Variants in CALN1 observed in about 807,000 individuals in gnomAD.
CALN1 encodes the protein calneuron 1.
In CALN1, 17 loss-of-function variants were observed where a neutral mutation model predicts 30.6. That is an observed-to-expected ratio of 0.56 (90% confidence interval 0.38 to 0.83). The LOEUF is 0.83. CALN1 is among the 40% of genes least tolerant of loss of function. The probability of loss-of-function intolerance (pLI) is 0.00; values close to 1 mark genes in which losing one functional copy is unlikely to be tolerated. For synonymous variants in CALN1, 156 were observed against 131.4 expected (o/e 1.19, Z -1.28); for missense variants, 291 against 354.9 (o/e 0.82, Z 1.45).
chr7:71,788,503 T>C (rs1022738069), intron 6 of CALN1, among the ~76,000 whole-genome samples: 9 of 150,992 alleles, frequency 6.0e-5, no homozygotes, highest in African/African-American at 2.2e-4. Flanking sequence ...TTTTTTTTTT[T>C]TTTTTAGAGA....
At chr7:72,463,760 T>C in the CALN1 span, among the ~76,000 whole-genome samples, 4 of 151,752 alleles carry the variant, frequency 2.6e-5, no homozygotes, top group African/African-American at 7.3e-5. Flanking sequence ...GGGGTCTTGC[T>C]CTGTTGCCCA....
the CALN1 span, among the ~76,000 whole-genome samples, chr7:72,477,072 G>A: frequency 4.6e-5 from 7 of 152,266 alleles, no homozygotes; most frequent in East Asian, 1.9e-4. Flanking sequence ...CTAGCTGGGC[G>A]TGGTGGCGCG....
chr7:72,486,607 A>G, the CALN1 span, among the ~76,000 whole-genome samples: 23 of 152,138 alleles, frequency 1.5e-4, no homozygotes, highest in African/African-American at 5.3e-4. Context: ...TCCTGACCTC[A>G]AGTAATCCGC....
At chr7:71,942,309 C>T (rs1044526029) in intron 5 of CALN1, 2 of 188,398 alleles carry the variant, frequency 1.1e-5, no homozygotes, top group African/African-American at 4.8e-5. Context: ...TCACCGAGGT[C>T]CTGGGCAGGA....
At chr7:72,155,506 G>A (rs956095498) in intron 3 of CALN1, among the ~76,000 whole-genome samples, 1 of 146,464 alleles carries the variant, frequency 6.8e-6, no homozygotes, top group Non-Finnish European at 1.5e-5. Context: ...AAAAAAAAAA[G>A]AGAGAGAGAA....
intron 4 of CALN1, among the ~76,000 whole-genome samples, chr7:72,033,626 G>A (rs1801596920): frequency 6.6e-6 from 1 of 152,082 alleles, no homozygotes; most frequent in African/African-American, 2.4e-5. Flanking sequence ...AGTGGCCTGA[G>A]CAATGGTGAG....
chr7:72,196,356 C>T (rs1791001308), intron 3 of CALN1, among the ~76,000 whole-genome samples: 1 of 152,160 alleles, frequency 6.6e-6, no homozygotes, highest in Non-Finnish European at 1.5e-5. Flanking sequence ...TGAGCTCAAG[C>T]AACCCACCCT....
chr7:71,845,306 C>T (rs1790165334), intron 5 of CALN1, among the ~76,000 whole-genome samples: 1 of 152,224 alleles, frequency 6.6e-6, no homozygotes, highest in South Asian at 2.1e-4. Flanking sequence ...TTCCATTCAT[C>T]TTTCCAATTT....
At chr7:72,212,190 A>C in intron 3 of CALN1, among the ~76,000 whole-genome samples, 1 of 152,028 alleles carries the variant, frequency 6.6e-6, no homozygotes, top group Non-Finnish European at 1.5e-5. Context: ...GCTACTAAAA[A>C]TACAAAAAAT....
chr7:72,225,358 C>T (rs766230390), intron 3 of CALN1, among the ~76,000 whole-genome samples: 26 of 152,118 alleles, frequency 1.7e-4, no homozygotes, highest in Non-Finnish European at 3.5e-4. Flanking sequence ...CTTTTTCCAA[C>T]TGACTCGATA....
At chr7:72,303,940 T>G (rs970558861) in intron 2 of CALN1, among the ~76,000 whole-genome samples, 3 of 152,202 alleles carry the variant, frequency 2.0e-5, no homozygotes, top group Non-Finnish European at 4.4e-5. Context: ...GAGTAATTAT[T>G]TACATAATCA....
intron 5 of CALN1, among the ~76,000 whole-genome samples, chr7:71,907,713 A>C (rs1794217107): frequency 6.6e-6 from 1 of 152,262 alleles, no homozygotes; most frequent in Admixed American, 6.5e-5. Context: ...TTCCAGGAAC[A>C]ATGCATAGTG....
At position 71,785,057 on chromosome 7, in the gene CALN1, C is replaced by T; in HGVS notation, c.*2718G>A. On this transcript the variant is annotated 3_prime_UTR_variant, in exon 7 of 7. Coordinates refer to ENST00000395275, the MANE Select transcript of CALN1 (RefSeq NM_031468.4). The stretch of plus-strand genomic sequence containing the variant: ...AGCTCCTGAAGTCTAAGGAATGCCG[C>T]TAGCTCAGGGCCGTCTCCACGCACT... The T allele has an allele frequency of 2.5e-6, 1 of 394,432 alleles. No homozygotes were observed. Among genetic ancestry groups the T allele is most frequent in the East Asian group, 3.6e-5 (1 of 27,838 alleles). The allele number at this position is 394,432 out of a possible 1,614,324, so 24.4% of individuals were successfully genotyped here.
At chr7:72,342,082 C>T (rs867349959) in intron 2 of CALN1, among the ~76,000 whole-genome samples, 1 of 151,618 alleles carries the variant, frequency 6.6e-6, no homozygotes, top group African/African-American at 2.4e-5. Context: ...ATAGGGAGAC[C>T]CCATCTCTAC....
the CALN1 span, among the ~76,000 whole-genome samples, chr7:72,465,210 G>A: frequency 6.6e-6 from 1 of 152,150 alleles, no homozygotes; most frequent in Non-Finnish European, 1.5e-5. Context: ...TCATGGCTCT[G>A]GGCAGACATC....
At chr7:72,354,771 A>AT (rs1377831975) in intron 2 of CALN1, among the ~76,000 whole-genome samples, 5 of 152,290 alleles carry the variant, frequency 3.3e-5, no homozygotes, top group Admixed American at 1.3e-4. Flanking sequence ...TTGATACTTT[A>AT]TTTACCCTAT....
intron 3 of CALN1, among the ~76,000 whole-genome samples, chr7:72,127,052 A>T (rs1278794368): frequency 6.6e-6 from 1 of 151,860 alleles, no homozygotes; most frequent in Non-Finnish European, 1.5e-5. Flanking sequence ...CCCAAAGGAG[A>T]GGAAGTAGTG....
chr7:71,800,455 A>G (rs1757573212), intron 6 of CALN1, among the ~76,000 whole-genome samples: 2 of 152,000 alleles, frequency 1.3e-5, no homozygotes, highest in South Asian at 4.2e-4. Flanking sequence ...CACAGAAACT[A>G]TTTATTCCCC....
chr7:72,188,781 AG>A lies in CALN1; in HGVS notation c.245-82488del, dbSNP rs773854688. On this transcript the variant is annotated intron_variant, in intron 3 of 6. Coordinates refer to ENST00000395275, the MANE Select transcript of CALN1 (RefSeq NM_031468.4). ...ATCCTGCAATATTTTATTAGGATAG[AG>A]CCGTTGTGTAGCTAATATAGTCTGA... 3.9e-5 allele frequency among the ~76,000 whole-genome samples: 6 copies of A among 152,338 alleles called. No individual in the cohort carries two copies. In the East Asian group the frequency reaches 5.8e-4, roughly 15 times the overall value.
Sources: allele counts gnomAD v4.1 joint callset (sites outside exome capture counted in the v4.1 genomes callset), GRCh38; gene constraint gnomAD v4.1.1; transcripts MANE v1.5; gene names NCBI Gene and HGNC (gene_info 2026-07-23, HGNC 2026-07-21).